KNL1: variants seen among roughly 807,000 people sequenced by gnomAD.
The protein encoded by KNL1 is kinetochore scaffold 1.
In KNL1, 66 loss-of-function variants were observed where a neutral mutation model predicts 201.3. The ratio of observed to expected loss-of-function variants is 0.33; its 90% CI spans 0.27 to 0.40. The LOEUF (loss-of-function observed/expected upper bound fraction) is 0.40. KNL1 is among the 10% of genes least tolerant of loss of function. The probability of loss-of-function intolerance (pLI) is 1.00; values close to 1 mark genes in which losing one functional copy is unlikely to be tolerated. For synonymous variants in KNL1, 895 were observed against 899.2 expected, an observed-to-expected ratio of 1.00 and a Z score of 0.08; for missense variants, 2,815 against 2,690.5, an observed-to-expected ratio of 1.05 and a Z score of -1.02.
In KNL1 at chr15:40,659,464, G is replaced by C. The variant is rs202096700; in HGVS notation, c.6836+3G>C. 1.9e-6 allele frequency: 3 copies of C among 1,611,674 alleles called. No homozygotes were observed. The Admixed American group carries it at 5.0e-5, about 27-fold the overall frequency. ...CAGAATCACGTTGGGAACACTAGGT[G>C]AGTAAAGGGCCAACAGGGTAAGACT... On this transcript the variant is annotated splice_donor_region_variant and intron_variant, in intron 25 of 25. Coordinates refer to ENST00000399668, the MANE Select transcript of KNL1 (RefSeq NM_144508.5).
rs116728336 is a variant in KNL1 at position 40,629,800 on chromosome 15, C to T, written c.5682+429C>T. Among the ~76,000 whole-genome samples the T allele has an allele frequency of 6.6e-3, 996 of 151,942 alleles. 12 individuals are homozygous for T. Among genetic ancestry groups the T allele is most frequent in the African/African-American group, 0.023 (941 of 41,402 alleles). The stretch of plus-strand genomic sequence containing the variant: ...ACAAGCGTGAGCCACTGCGCCCGGC[C>T]GAGAGTTTTCTTATAGTAGAGAGAT... On this transcript the variant is annotated intron_variant, in intron 13 of 25. Transcript: ENST00000399668.
In KNL1 at chr15:40,628,204, C is replaced by G. The variant is rs1357223553; in HGVS notation, c.5511C>G (p.Phe1837Leu). The change falls in exon 11 of 26, where the codon TTC becomes TTG. Residue 1837 changes from phenylalanine (F) to leucine (L), a missense_variant. By Grantham distance (22) the Phe-to-Leu change is conservative (BLOSUM62 0). Coordinates refer to ENST00000399668, the MANE Select transcript of KNL1 (RefSeq NM_144508.5). Reference protein sequence around the residue: ...SIKADGTSLDFSTYRSSQMES... With the variant: ...SIKADGTSLDLSTYRSSQMES... Reference sequence around the variant, plus strand: ...AGGCTGATGGGACCTCTCTGGACTTCAGCAGTAAGAGCTTCATGAAGGCTA... The same window carrying G: ...AGGCTGATGGGACCTCTCTGGACTTGAGCAGTAAGAGCTTCATGAAGGCTA... 1.3e-6 allele frequency: 2 copies of G among 1,592,706 alleles called. No homozygotes were observed. Among genetic ancestry groups the G allele is most frequent in the Non-Finnish European group, 8.5e-7 (1 of 1,173,570 alleles).
chr15:40,595,873 GA>G (rs1891606056), intron 1 of KNL1, among the ~76,000 whole-genome samples: 1 of 152,106 alleles, frequency 6.6e-6, no homozygotes, highest in African/African-American at 2.4e-5. Flanking sequence ...TACAATCCCG[GA>G]AAATACTAAC....
In KNL1 at chr15:40,625,115, T is replaced by C. The variant is rs1171535063; in HGVS notation, c.4851T>C (p.Asp1617=). The stretch of plus-strand genomic sequence containing the variant: ...ACATAATCTCCAGCAATGCTAAAGA[T>C]AGTAGAGATGAGGAAAATAAAAAGT... ...NINIISSNAK[D]SRDEENKKSH... Residue 1617 remains aspartate (D), a synonymous_variant, in exon 10 of 26, where the codon GAT becomes GAC. Transcript: ENST00000399668. The C allele has an allele frequency of 1.9e-6, 3 of 1,614,058 alleles. No individual in the cohort carries two copies. Among genetic ancestry groups the C allele is most frequent in the East Asian group, 4.5e-5 (2 of 44,870 alleles).
At chr15:40,602,047 T>G (rs1328671945) in intron 1 of KNL1, among the ~76,000 whole-genome samples, 1 of 150,166 alleles carries the variant, frequency 6.7e-6, no homozygotes, top group East Asian at 2.0e-4. Flanking sequence ...GTTTTTTTTT[T>G]GAGACGGAGT....
At position 40,624,698 on chromosome 15, in the gene KNL1, A is replaced by G. The variant is rs542045847; in HGVS notation, c.4434A>G (p.Ile1478Met). 2.0e-5 allele frequency: 33 copies of G among 1,612,582 alleles called. No individual in the cohort carries two copies. The highest frequency in any genetic ancestry group is 9.9e-5 in the South Asian group (9 of 90,908). ...CTGGAAATAAGAGTTTAAATATTATAGAAAATTCCTCTGCACCCATATGTG... is the reference window on the plus strand; with the variant it reads ...CTGGAAATAAGAGTTTAAATATTATGGAAAATTCCTCTGCACCCATATGTG... ...SKAGNKSLNI[I>M]ENSSAPICEN... The change falls in exon 10 of 26, where the codon ATA (isoleucine) becomes ATG (methionine). Residue 1478 changes from isoleucine (I) to methionine (M), a missense_variant. This residue lies in a region of KNL1 where 2,464 missense variants were observed against 2,291.7 expected (regional missense o/e 1.08). Coordinates refer to ENST00000399668, the MANE Select transcript of KNL1 (RefSeq NM_144508.5).
At position 40,662,966 on chromosome 15, in the gene KNL1, A is replaced by AG. The variant is rs1893951946; in HGVS notation, c.*778_*779insG. On this transcript the variant is annotated 3_prime_UTR_variant, in exon 26 of 26. Coordinates refer to ENST00000399668, the MANE Select transcript of KNL1 (RefSeq NM_144508.5). ...CAGAGCAAGACCCTGTCTCAAAAAA[A>AG]CAAAAAGAGAGAAAGCAATAGCACT... is the stretch of plus-strand genomic sequence containing the variant. The AG allele has an allele frequency of 5.4e-6, 1 of 184,508 alleles. No individual in the cohort carries two copies. The highest frequency in any genetic ancestry group is 2.0e-4 in the South Asian group (1 of 5,086). The allele number at this position is 184,508 out of a possible 1,614,324, so 11.4% of individuals were successfully genotyped here.
intron 7 of KNL1, among the ~76,000 whole-genome samples, chr15:40,615,092 A>T (rs992748065): frequency 6.6e-6 from 1 of 152,208 alleles, no homozygotes; most frequent in Non-Finnish European, 1.5e-5. Context: ...GCAAACCATT[A>T]AGACCAATCT....
chr15:40,604,634 T>A (rs927526536), intron 2 of KNL1, among the ~76,000 whole-genome samples: 2 of 152,246 alleles, frequency 1.3e-5, no homozygotes, highest in Non-Finnish European at 2.9e-5. Context: ...GGGCTCCTAT[T>A]CTTGTTTGGC....
intron 9 of KNL1, among the ~76,000 whole-genome samples, chr15:40,620,330 C>T (rs1342583547): frequency 1.3e-5 from 2 of 152,012 alleles, no homozygotes; most frequent in South Asian, 2.1e-4. Context: ...CTCAGCCTCC[C>T]GAGTAGCTGG....
Position 40,621,164 on chromosome 15 carries a change from G to T in KNL1, c.900G>T (p.Glu300Asp). ...NIQTLIPTSS[E>D]TNSRESKGND... is the part of the protein sequence containing the mutation. ...AGACATTGATTCCCACATCCAGTGAGACCAACTCACGGGAATCTAAAGGTA... is the reference window on the plus strand; with the variant it reads ...AGACATTGATTCCCACATCCAGTGATACCAACTCACGGGAATCTAAAGGTA... The change falls in exon 10 of 26, where the codon GAG (glutamate) becomes GAT (aspartate). Residue 300 changes from glutamate (E) to aspartate (D), a missense_variant. Physicochemically the swap from Glu to Asp is conservative, Grantham distance 45. Coordinates refer to ENST00000399668, the MANE Select transcript of KNL1 (RefSeq NM_144508.5). 3 of 1,613,412 alleles carry T rather than the reference G, an allele frequency of 1.9e-6. No homozygotes were observed. The highest frequency in any genetic ancestry group is 1.1e-5 in the South Asian group (1 of 91,010).
At chr15:40,636,196 G>A (rs1205285444) in intron 13 of KNL1, among the ~76,000 whole-genome samples, 1 of 152,208 alleles carries the variant, frequency 6.6e-6, no homozygotes, top group African/African-American at 2.4e-5. Flanking sequence ...TGCTGATTAT[G>A]TATAAGTTGG....
chr15:40,613,111 A>G lies in KNL1; in HGVS notation c.284+1600A>G, dbSNP rs1011575635. Among the ~76,000 whole-genome samples, 5 of 152,216 alleles carry G rather than the reference A, an allele frequency of 3.3e-5. No individual in the cohort carries two copies. In the East Asian group the frequency reaches 7.7e-4, roughly 23 times the overall value. ...TGGTTAAATAAATTGTACATTTTCC[A>G]TATAATTGACTATGCAGCCGGAAAA... On this transcript the variant is annotated intron_variant, in intron 7 of 25. Coordinates refer to ENST00000399668, the MANE Select transcript of KNL1 (RefSeq NM_144508.5).
intron 13 of KNL1, among the ~76,000 whole-genome samples, chr15:40,629,695 G>GT (rs1197947927): frequency 1.3e-5 from 2 of 151,508 alleles, no homozygotes; most frequent in Non-Finnish European, 2.9e-5. Flanking sequence ...TAGAGACAGG[G>GT]TTTCACCATA....
At chr15:40,639,289 A>T (rs541849082) in intron 13 of KNL1, among the ~76,000 whole-genome samples, 2 of 145,992 alleles carry the variant, frequency 1.4e-5, no homozygotes, top group South Asian at 4.3e-4. Flanking sequence ...CCCCATAACT[A>T]AAAAAAAAAA....
At chr15:40,630,253 G>T (rs1892874998) in intron 13 of KNL1, among the ~76,000 whole-genome samples, 1 of 152,164 alleles carries the variant, frequency 6.6e-6, no homozygotes, top group Non-Finnish European at 1.5e-5. Flanking sequence ...ACATAGGAAT[G>T]TTTTTTGTCT....
At chr15:40,661,264 G>C (rs971412824) in intron 25 of KNL1, among the ~76,000 whole-genome samples, 4 of 151,878 alleles carry the variant, frequency 2.6e-5, no homozygotes, top group African/African-American at 9.7e-5. Context: ...AGGCCGAGGT[G>C]GGTGGATCAT....
At chr15:40,646,915 T>C in intron 16 of KNL1, 72 bp from the exon 17 acceptor site, 1 of 703,770 alleles carries the variant, frequency 1.4e-6, no homozygotes, top group Non-Finnish European at 2.6e-6. Flanking sequence ...AGCGATTATG[T>C]GAGCAGTTTG....
At chr15:40,627,864 A>G (rs551352207) in intron 10 of KNL1, among the ~76,000 whole-genome samples, 12 of 152,352 alleles carry the variant, frequency 7.9e-5, no homozygotes, top group African/African-American at 2.9e-4. Flanking sequence ...CATACACAGT[A>G]TAATCCATAG....
Sources: gnomAD v4.1 joint callset for allele counts (sites outside exome capture counted in the v4.1 genomes callset) on GRCh38, gnomAD v4.1.1 for gene constraint, gnomAD v4.1.1 regional missense constraint, MANE v1.5 for transcripts, NCBI Gene and HGNC (gene_info 2026-07-23, HGNC 2026-07-21) for gene names.